The following AP2S1 variants were observed in gnomAD, a reference collection of about 807,000 sequenced individuals.
AP2S1 encodes AP-2 complex subunit sigma.
In AP2S1, 6 loss-of-function variants were observed where a neutral mutation model predicts 21.0. The ratio of observed to expected loss-of-function variants is 0.29; its 90% CI spans 0.16 to 0.56. The LOEUF is 0.56. Among genes scored for constraint, AP2S1 ranks in the 20% least tolerant of loss-of-function variants. The pLI, the probability that AP2S1 is intolerant of heterozygous loss-of-function variation, is 0.92. For synonymous variants in AP2S1, 63 were observed against 74.6 expected, an observed-to-expected ratio of 0.84 and a Z score of 0.80; for missense variants, 60 against 186.2, an observed-to-expected ratio of 0.32 and a Z score of 3.95.
At chr19:46,847,598 T>C (rs922703729) in intron 1 of AP2S1, among the ~76,000 whole-genome samples, 2 of 152,036 alleles carry the variant, frequency 1.3e-5, no homozygotes, top group African/African-American at 4.8e-5. Context: ...CCATTAGCAG[T>C]CACTCTCCGT....
Position 46,840,250 on chromosome 19 carries a change from G to A in AP2S1, c.154-672C>T, listed in dbSNP as rs78652790. Among the ~76,000 whole-genome samples, 1,022 of 151,532 alleles carry A rather than the reference G, an allele frequency of 6.7e-3. 10 individuals carry two copies. The highest frequency in any genetic ancestry group is 0.022 in the African/African-American group (925 of 41,248). ...AGGGACATGGATTCTCATTTTATGCGCGTGTTAAGTAGACAAAGACAGATA... is the reference window on the plus strand; with the variant it reads ...AGGGACATGGATTCTCATTTTATGCACGTGTTAAGTAGACAAAGACAGATA... On this transcript the variant is annotated intron_variant, in intron 2 of 4. Transcript: ENST00000263270.
chr19:46,840,344 T>C (rs913553004), intron 2 of AP2S1, among the ~76,000 whole-genome samples: 2 of 146,352 alleles, frequency 1.4e-5, no homozygotes, highest in Non-Finnish European at 3.0e-5. Context: ...CAGTTCTATA[T>C]GTTCTCAATG....
chr19:46,846,873 C>T (rs1274407000), intron 1 of AP2S1, among the ~76,000 whole-genome samples: 2 of 152,114 alleles, frequency 1.3e-5, no homozygotes, highest in Non-Finnish European at 2.9e-5. Context: ...ACCATGTTGG[C>T]CAGGCTGGTC....
chr19:46,845,099 A>AG (rs1354992164), intron 2 of AP2S1, among the ~76,000 whole-genome samples: 4 of 79,404 alleles, frequency 5.0e-5, no homozygotes, highest in Non-Finnish European at 1.1e-4. Context: ...ACTCCATTTC[A>AG]GAAAAAAAAA....
intron 1 of AP2S1, among the ~76,000 whole-genome samples, chr19:46,848,675 C>T (rs1049200303): frequency 6.6e-6 from 1 of 152,108 alleles, no homozygotes; most frequent in Non-Finnish European, 1.5e-5. Context: ...CTTGTGGGAG[C>T]CTTCTCTCTT....
At chr19:46,841,730 G>A (rs899078149) in intron 2 of AP2S1, among the ~76,000 whole-genome samples, 1 of 152,270 alleles carries the variant, frequency 6.6e-6, no homozygotes, top group African/African-American at 2.4e-5. Flanking sequence ...CCCACACCCT[G>A]TGAATATGGG....
intron 2 of AP2S1, 149 bp from the exon 3 acceptor site, chr19:46,839,727 C>A: frequency 7.5e-7 from 1 of 1,337,016 alleles, no homozygotes; most frequent in Non-Finnish European, 1.0e-6. Context: ...CAGCAGTGAC[C>A]GAGACAGCCC....
intron 2 of AP2S1, among the ~76,000 whole-genome samples, chr19:46,840,091 T>TA (rs1192365352): frequency 3.3e-5 from 5 of 152,092 alleles, no homozygotes; most frequent in Non-Finnish European, 5.9e-5. Flanking sequence ...AGGCCTGTGA[T>TA]AGGCAGTGTG....
At chr19:46,842,687 C>G (rs76498128) in intron 2 of AP2S1, among the ~76,000 whole-genome samples, 39 of 152,188 alleles carry the variant, frequency 2.6e-4, no homozygotes, top group African/African-American at 9.2e-4. Flanking sequence ...CAGCAAGGTG[C>G]CCACACAGCC....
intron 2 of AP2S1, among the ~76,000 whole-genome samples, chr19:46,842,438 C>G (rs1403608539): frequency 6.6e-6 from 1 of 152,176 alleles, no homozygotes; most frequent in Non-Finnish European, 1.5e-5. Flanking sequence ...GAACCTAGCA[C>G]TGGGCTGATC....
intron 2 of AP2S1, 73 bp from the exon 3 acceptor site, chr19:46,839,651 A>ATTCACTCC (rs1335507983): frequency 6.2e-7 from 1 of 1,607,678 alleles, no homozygotes; most frequent in Non-Finnish European, 8.5e-7. Flanking sequence ...GGGCCAAAAC[A>ATTCACTCC]TTCACTCCTT....
At chr19:46,842,576 C>T (rs1229874544) in intron 2 of AP2S1, among the ~76,000 whole-genome samples, 2 of 152,176 alleles carry the variant, frequency 1.3e-5, no homozygotes, top group Admixed American at 6.5e-5. Flanking sequence ...CTGTAACATT[C>T]TCATTTGCCC....
chr19:46,842,298 G>A (rs2055537425), intron 2 of AP2S1, among the ~76,000 whole-genome samples: 1 of 152,010 alleles, frequency 6.6e-6, no homozygotes, highest in South Asian at 2.1e-4. Flanking sequence ...GGCTGGGTCA[G>A]GTGCCCTCCC....
rs2055446882 is a variant in AP2S1 at position 46,838,279 on chromosome 19, G to T, written c.*168C>A. 1 of 631,436 alleles carries T rather than the reference G, an allele frequency of 1.6e-6. No individual in the cohort carries two copies. Among genetic ancestry groups the T allele is most frequent in the Non-Finnish European group, 2.8e-6 (1 of 358,512 alleles). The allele number at this position is 631,436 out of a possible 1,614,324, so 39.1% of individuals were successfully genotyped here. A position where few individuals can be genotyped will look rare whatever the true frequency, so the allele number is the denominator to read the frequency against. ...ACGGTGGCCTCTGCCCACAGCCAGG[G>T]CCCAGAGGCAGTGGGGTGCAGTCTC... is the stretch of plus-strand genomic sequence containing the variant. On this transcript the variant is annotated 3_prime_UTR_variant, in exon 5 of 5. Transcript: ENST00000263270. The surrounding 1 kb of genome is among the most constrained non-coding windows in gnomAD (Gnocchi z 4.1).
At chr19:46,845,316 G>C (rs2055610437) in intron 2 of AP2S1, among the ~76,000 whole-genome samples, 1 of 151,628 alleles carries the variant, frequency 6.6e-6, no homozygotes, top group African/African-American at 2.4e-5. Flanking sequence ...TGAGGCAGGA[G>C]AATTGCTTGA....
At chr19:46,850,657 C>T (rs1453244321) in intron 1 of AP2S1, 107 bp downstream of exon 1, 5 of 1,094,234 alleles carry the variant, frequency 4.6e-6, no homozygotes, top group Non-Finnish European at 6.9e-6. Context: ...GCGCCTGACC[C>T]AGACCATCCG....
rs1255375172 is a variant in AP2S1 at position 46,850,799 on chromosome 19, T to G, written c.-33A>C. The G allele has an allele frequency of 6.4e-7, 1 of 1,550,908 alleles. No homozygotes were observed. Among genetic ancestry groups the G allele is most frequent in the South Asian group, 1.2e-5 (1 of 85,304 alleles). On this transcript the variant is annotated 5_prime_UTR_variant, in exon 1 of 5. Transcript: ENST00000263270. ...CCCGTCCAGACCCCAGCGGCCCCGG[T>G]CCCGCGGCGACTGGGCAGCTCCGGC... is the stretch of plus-strand genomic sequence containing the variant.
chr19:46,846,541 G>A (rs978288326), intron 1 of AP2S1, among the ~76,000 whole-genome samples: 3 of 146,484 alleles, frequency 2.0e-5, no homozygotes, highest in Non-Finnish European at 4.4e-5. Context: ...CTCCCAAACT[G>A]CTGGGATCAC....
intron 1 of AP2S1, among the ~76,000 whole-genome samples, chr19:46,849,936 G>A (rs947064261): frequency 6.6e-6 from 1 of 152,036 alleles, no homozygotes; most frequent in African/African-American, 2.4e-5. Context: ...CCAACTTCCA[G>A]CCCAAAGAAC....
Sources: gnomAD v4.1 joint callset for allele counts (sites outside exome capture counted in the v4.1 genomes callset) on GRCh38, gnomAD v4.1.1 for gene constraint, Gnocchi (gnomAD v3.1) non-coding constraint, MANE v1.5 for transcripts, NCBI Gene and HGNC (gene_info 2026-07-23, HGNC 2026-07-21) for gene names.